Variants in PPIL6 observed in about 807,000 individuals in gnomAD.
PPIL6 encodes peptidylprolyl isomerase like 6, also known as probable inactive peptidyl-prolyl cis-trans isomerase-like 6.
PPIL6 carries 39 observed loss-of-function variants against 36.8 expected under a neutral mutation model. The observed-to-expected ratio is 1.06, with a 90% CI of 0.82 to 1.38. The LOEUF (loss-of-function observed/expected upper bound fraction) is 1.38, where lower values mean the gene tolerates loss of function less well. Ranked by LOEUF, PPIL6 falls within the 40% of genes most tolerant of loss-of-function variation. The pLI, the probability that PPIL6 is intolerant of heterozygous loss-of-function variation, is 0.00. For synonymous variants in PPIL6, 123 were observed against 134.1 expected, an observed-to-expected ratio of 0.92 and a Z score of 0.57; for missense variants, 368 against 379.1, an observed-to-expected ratio of 0.97 and a Z score of 0.24.
At chr6:109,406,894 T>A (rs190957273) in intron 6 of PPIL6, among the ~76,000 whole-genome samples, 24 of 152,328 alleles carry the variant, frequency 1.6e-4, no homozygotes, top group African/African-American at 5.5e-4. Context: ...CTCTTCAAAT[T>A]GGCTCCTGAG....
chr6:109,440,576 C>T lies in PPIL6; in HGVS notation c.15G>A (p.Gln5=), dbSNP rs756018880. The change falls in exon 1 of 8, where the codon CAG becomes CAA. Residue 5 remains glutamine (Q), a synonymous_variant. Transcript: ENST00000521072. Reference sequence around the variant, plus strand: ...ACCTAGCGTGCGGGGGCCCGCACGGCTGCGGCCTTGCCATGGCCGCGCCCG... The same window carrying T: ...ACCTAGCGTGCGGGGGCCCGCACGGTTGCGGCCTTGCCATGGCCGCGCCCG... MARP[Q]PCGPPHARCG... The T allele has an allele frequency of 9.2e-5, 130 of 1,407,074 alleles. 2 individuals carry two copies. The African/African-American group carries it at 1.7e-3, about 19-fold the overall frequency. The allele number at this position is 1,407,074 out of a possible 1,614,324, so 87.2% of individuals were successfully genotyped here. A position where few individuals can be genotyped will look rare whatever the true frequency, so the allele number is the denominator to read the frequency against.
intron 1 of PPIL6, 148 bp downstream of exon 1, chr6:109,440,308 G>T: frequency 1.9e-6 from 2 of 1,038,164 alleles, no homozygotes; most frequent in Non-Finnish European, 2.9e-6. Flanking sequence ...TCCAGACGGA[G>T]CCCGCCCGGC....
At position 109,440,485 on chromosome 6, in the gene PPIL6, T is replaced by C; in HGVS notation, c.106A>G (p.Asn36Asp). 1 of 1,539,214 alleles carries C rather than the reference T, an allele frequency of 6.5e-7. No homozygotes were observed. The highest frequency in any genetic ancestry group is 8.8e-7 in the Non-Finnish European group (1 of 1,142,150). Reference protein sequence around the residue: ...VKVVGLFSCPNFQIAKSAAEN... With the variant: ...VKVVGLFSCPDFQIAKSAAEN... ...GCGGCGCTCTTCGCAATCTGAAAGT[T>C]GGGGCAGCTGAAGAGCCCCACCACC... Residue 36 changes from asparagine (N) to aspartate (D), a missense_variant, in exon 1 of 8, where the codon AAC becomes GAC. Physicochemically the swap from Asn to Asp is conservative, Grantham distance 23. Transcript: ENST00000521072.
Position 109,400,218 on chromosome 6 carries a change from C to T in PPIL6, c.689-48G>A, listed in dbSNP as rs752642135. On this transcript the variant is annotated intron_variant, in intron 6 of 7. Transcript: ENST00000521072. The stretch of plus-strand genomic sequence containing the variant: ...GGTCATTAGCACATTTCTATTATCT[C>T]AATTTATTGTAACATATAAGGAACA... 2.1e-5 allele frequency: 31 copies of T among 1,510,594 alleles called. 1 individual carries two copies. In the South Asian group the frequency reaches 2.6e-4, roughly 13 times the overall value. The allele number at this position is 1,510,594 out of a possible 1,614,324, so 93.6% of individuals were successfully genotyped here.
chr6:109,434,632 T>G (rs1010255146), intron 2 of PPIL6, among the ~76,000 whole-genome samples: 48 of 152,156 alleles, frequency 3.2e-4, no homozygotes, highest in African/African-American at 1.1e-3. Context: ...CCGTGCTGCT[T>G]CCATGATAAT....
chr6:109,396,696 C>T (rs1239117491), intron 7 of PPIL6, among the ~76,000 whole-genome samples: 1 of 152,062 alleles, frequency 6.6e-6, no homozygotes. Flanking sequence ...CCCCCAAACC[C>T]CTTCTACAAT....
intron 6 of PPIL6, among the ~76,000 whole-genome samples, chr6:109,415,617 T>G (rs945141877): frequency 6.6e-6 from 1 of 152,206 alleles, no homozygotes; most frequent in Non-Finnish European, 1.5e-5. Context: ...CTGGGCACAA[T>G]TTTCTCCAGC....
At chr6:109,418,772 C>T (rs1444892260) in intron 6 of PPIL6, among the ~76,000 whole-genome samples, 2 of 152,168 alleles carry the variant, frequency 1.3e-5, no homozygotes, top group East Asian at 3.9e-4. Context: ...GAACTCCTGA[C>T]CTCAAATGAT....
At position 109,400,124 on chromosome 6, in the gene PPIL6, C is replaced by T. The variant is rs1460477626; in HGVS notation, c.735G>A (p.Met245Ile). 2.5e-6 allele frequency: 4 copies of T among 1,613,474 alleles called. No homozygotes were observed. Among genetic ancestry groups the T allele is most frequent in the Non-Finnish European group, 3.4e-6 (4 of 1,179,660 alleles). ...CGTTGCTGTGACGGCCTTTGTTGGC[C>T]ATTCCAAGTACTCCTCTTTTATTAT... ...VPHNKRGVLG[M>I]ANKGRHSNGS... The change falls in exon 7 of 8, where the codon ATG becomes ATA. Residue 245 changes from methionine (M) to isoleucine (I), a missense_variant. Coordinates refer to ENST00000521072, the MANE Select transcript of PPIL6 (RefSeq NM_173672.5).
chr6:109,432,047 T>C (rs1370264623), intron 2 of PPIL6, among the ~76,000 whole-genome samples: 1 of 152,152 alleles, frequency 6.6e-6, no homozygotes, highest in Non-Finnish European at 1.5e-5. Context: ...GGTAATCTGG[T>C]AACAAAAATC....
chr6:109,431,326 C>T lies in PPIL6; in HGVS notation c.251G>A (p.Trp84Ter), dbSNP rs2115278324. The change falls in exon 3 of 8, where the codon TGG (tryptophan) becomes TAG (stop). Residue 84 changes from tryptophan to a stop codon, truncating the protein, a stop_gained. Coordinates refer to ENST00000521072, the MANE Select transcript of PPIL6 (RefSeq NM_173672.5). LOFTEE classifies it high-confidence loss of function. ...AGAAATCACAGAGGAAGAATATTCC[C>T]AGGTTTCATTTTTGAGTTCCTGTAA... ...EKKRELKNET[W>*]EYSSSVISFV... 11 of 1,543,450 alleles carry T rather than the reference C, an allele frequency of 7.1e-6. No homozygotes were observed. Among genetic ancestry groups the T allele is most frequent in the Non-Finnish European group, 7.0e-6 (8 of 1,144,808 alleles).
chr6:109,427,173 G>A lies in PPIL6; in HGVS notation c.421-17C>T, dbSNP rs1329786459. The A allele has an allele frequency of 1.3e-6, 2 of 1,594,526 alleles. No homozygotes were observed. The highest frequency in any genetic ancestry group is 1.7e-5 in the Admixed American group (1 of 59,640). ...GAAATCATGCTGTGAAGATTAAGGAGAATCATATAATGCAGGTCAAAGTCT... is the reference window on the plus strand; with the variant it reads ...GAAATCATGCTGTGAAGATTAAGGAAAATCATATAATGCAGGTCAAAGTCT... On this transcript the variant is annotated splice_polypyrimidine_tract_variant and intron_variant, in intron 3 of 7. Transcript: ENST00000521072.
rs2115294411 is a variant in PPIL6 at position 109,436,143 on chromosome 6, T to C, written c.192A>G (p.Gln64=). The change falls in exon 2 of 8, where the codon CAA becomes CAG. Residue 64 remains glutamine, a synonymous_variant. Coordinates refer to ENST00000521072, the MANE Select transcript of PPIL6 (RefSeq NM_173672.5). ...KFEDPILVPL[Q]EFAWHQYLQE... ...GTAGATATTGATGCCATGCAAATTC[T>C]TGAAGAGGAACTAATATAGGATCTT... 4.4e-6 allele frequency: 7 copies of C among 1,590,756 alleles called. No individual in the cohort carries two copies. The highest frequency in any genetic ancestry group is 2.2e-5 in the South Asian group (2 of 90,306).
chr6:109,413,408 C>T lies in PPIL6; in HGVS notation c.688+5779G>A, dbSNP rs149594553. 4.5e-3 allele frequency among the ~76,000 whole-genome samples: 683 copies of T among 152,272 alleles called. 2 individuals are homozygous for T. The highest frequency in any genetic ancestry group is 7.3e-3 in the Admixed American group (111 of 15,302). ...AGAGAAACGTAAACCCAAACTACAA[C>T]GAGATATCTCACTCCAGTTAAAATG... On this transcript the variant is annotated intron_variant, in intron 6 of 7. Coordinates refer to ENST00000521072, the MANE Select transcript of PPIL6 (RefSeq NM_173672.5). This position sits in a 1 kb window ranked among gnomAD's most constrained non-coding sequence, Gnocchi z 4.6.
intron 7 of PPIL6, among the ~76,000 whole-genome samples, chr6:109,393,699 T>G (rs1238267432): frequency 6.6e-6 from 1 of 152,244 alleles, no homozygotes; most frequent in South Asian, 2.1e-4. Flanking sequence ...TTCCTGTTGC[T>G]CTCTGCTACA....
chr6:109,434,025 G>A lies in PPIL6; in HGVS notation c.231+2079C>T, dbSNP rs544937511. On this transcript the variant is annotated intron_variant, in intron 2 of 7. Coordinates refer to ENST00000521072, the MANE Select transcript of PPIL6 (RefSeq NM_173672.5). Reference sequence around the variant, plus strand: ...GTGGGAATTCAAAAGAGGAGTGGGTGCAAACCACAAACCATGAGACAGTTT... The same window carrying A: ...GTGGGAATTCAAAAGAGGAGTGGGTACAAACCACAAACCATGAGACAGTTT... Among the ~76,000 whole-genome samples, 6 of 152,262 alleles carry A rather than the reference G, an allele frequency of 3.9e-5. No individual in the cohort carries two copies. The South Asian group carries it at 1.2e-3, about 32-fold the overall frequency.
chr6:109,426,803 C>T (rs746787907), intron 5 of PPIL6, 44 bp downstream of exon 5: 1 of 1,335,200 alleles, frequency 7.5e-7, no homozygotes, highest in Non-Finnish European at 1.0e-6. Context: ...TGGACCTTCT[C>T]ATTTGATATT....
rs561541338 is a variant in PPIL6 at position 109,435,869 on chromosome 6, G to C, written c.231+235C>G. Among the ~76,000 whole-genome samples the C allele has an allele frequency of 2.7e-3, 410 of 152,266 alleles. 1 individual carries two copies. The highest frequency in any genetic ancestry group is 9.5e-3 in the African/African-American group (394 of 41,558). The stretch of plus-strand genomic sequence containing the variant: ...GAATCCAGGAGGTTGAAGCTGCAGT[G>C]AGCCAAGATCGCCCCACTGCACTCC... On this transcript the variant is annotated intron_variant, in intron 2 of 7. Transcript: ENST00000521072.
At chr6:109,424,176 C>T (rs1223337325) in intron 5 of PPIL6, among the ~76,000 whole-genome samples, 2 of 152,042 alleles carry the variant, frequency 1.3e-5, no homozygotes, top group East Asian at 3.9e-4. Context: ...TAAGGCCTTG[C>T]CCAGACAATC....
Sources: allele counts gnomAD v4.1 joint callset (sites outside exome capture counted in the v4.1 genomes callset), GRCh38; gene constraint gnomAD v4.1.1; non-coding constraint Gnocchi (gnomAD v3.1); transcripts MANE v1.5; gene names NCBI Gene and HGNC (gene_info 2026-07-23, HGNC 2026-07-21).